COMMD1: variants seen among roughly 807,000 people sequenced by gnomAD.
COMMD1 encodes the protein COMM domain-containing protein 1.
In COMMD1, 10 loss-of-function variants were observed where a neutral mutation model predicts 17.2. The ratio of observed to expected loss-of-function variants is 0.58; its 90% CI spans 0.36 to 0.99. The LOEUF (loss-of-function observed/expected upper bound fraction) is 0.99. Among genes scored for constraint, COMMD1 ranks in the 50% least tolerant of loss-of-function variants. The pLI is 0.01. For missense variants in COMMD1, 270 were observed against 231.8 expected (o/e 1.17, Z -1.07); for synonymous variants, 97 against 91.6 (o/e 1.06, Z -0.34).
At chr2:62,125,594 G>C (rs1672864714) in intron 2 of COMMD1, among the ~76,000 whole-genome samples, 1 of 151,886 alleles carries the variant, frequency 6.6e-6, no homozygotes, top group Non-Finnish European at 1.5e-5. Flanking sequence ...AATAGTTATT[G>C]TTTAAAAAAA....
chr2:62,020,111 C>A (rs1159786225), intron 2 of COMMD1, among the ~76,000 whole-genome samples: 1 of 152,174 alleles, frequency 6.6e-6, no homozygotes, highest in Non-Finnish European at 1.5e-5. Context: ...TTCTTCAGCT[C>A]CTTGAGTACA....
At chr2:61,943,437 G>A (rs956601004) in intron 1 of COMMD1, among the ~76,000 whole-genome samples, 13 of 152,166 alleles carry the variant, frequency 8.5e-5, no homozygotes, top group African/African-American at 3.1e-4. Flanking sequence ...AAAGTGTGCT[G>A]GTTGTGGGTG....
intron 1 of COMMD1, among the ~76,000 whole-genome samples, chr2:61,942,057 T>C (rs1273423039): frequency 6.6e-6 from 1 of 152,204 alleles, no homozygotes; most frequent in Non-Finnish European, 1.5e-5. Context: ...AATAGTCTCT[T>C]AACTAGGAAA....
chr2:62,033,328 C>T (rs1275099312), intron 2 of COMMD1, among the ~76,000 whole-genome samples: 1 of 152,192 alleles, frequency 6.6e-6, no homozygotes, highest in Non-Finnish European at 1.5e-5. Context: ...ACAGGATATG[C>T]TTTCATTATG....
At chr2:61,981,370 G>A (rs1452442398) in intron 1 of COMMD1, among the ~76,000 whole-genome samples, 1 of 152,132 alleles carries the variant, frequency 6.6e-6, no homozygotes, top group Non-Finnish European at 1.5e-5. Flanking sequence ...TCTGCATGTT[G>A]ATATCCAGTT....
At chr2:61,903,259 C>T (rs1203614872), upstream of COMMD1, among the ~76,000 whole-genome samples, 1 of 151,984 alleles carries the variant, frequency 6.6e-6, no homozygotes, top group East Asian at 1.9e-4. Flanking sequence ...GCCTGGCCAA[C>T]ATGGTGAAAC....
rs544136838 is a variant in COMMD1, at chr2:62,050,570, A to G, written c.462+49588A>G. Among the ~76,000 whole-genome samples, 100 of 152,282 alleles carry G rather than the reference A, an allele frequency of 6.6e-4. 2 individuals are homozygous for G. The South Asian group carries it at 0.021, about 31-fold the overall frequency. ...GTCTTCTCTGCTACTATGTTTTGTT[A>G]TTCAGCCTTGAATAATTCTTTTCAG... On this transcript the variant is annotated intron_variant, in intron 2 of 2. Coordinates refer to ENST00000311832, the MANE Select transcript of COMMD1 (RefSeq NM_152516.4).
intron 1 of COMMD1, among the ~76,000 whole-genome samples, chr2:61,892,563 A>G (rs905221587): frequency 2.6e-5 from 4 of 151,882 alleles, no homozygotes; most frequent in African/African-American, 4.8e-5. Flanking sequence ...GTGTTGTGGC[A>G]TGCACCTGTA....
intron 2 of COMMD1, among the ~76,000 whole-genome samples, chr2:62,038,095 C>A (rs938119479): frequency 1.3e-5 from 2 of 152,086 alleles, no homozygotes; most frequent in Non-Finnish European, 2.9e-5. Flanking sequence ...TCAAGACCAG[C>A]CTGGCCAACA....
chr2:61,932,596 T>A (rs1335594131), intron 1 of COMMD1, among the ~76,000 whole-genome samples: 1 of 152,120 alleles, frequency 6.6e-6, no homozygotes, highest in African/African-American at 2.4e-5. Flanking sequence ...ATCCCCAGAT[T>A]TATGTGTTGA....
intron 2 of COMMD1, among the ~76,000 whole-genome samples, chr2:62,079,094 C>G (rs1671442318): frequency 6.6e-6 from 1 of 152,130 alleles, no homozygotes. Context: ...TAAAAGTGCC[C>G]TTGTTACAGG....
Position 62,122,527 on chromosome 2 carries a change from C to T in COMMD1, c.463-13304C>T, listed in dbSNP as rs373407786. On this transcript the variant is annotated intron_variant, in intron 2 of 2. Coordinates refer to ENST00000311832, the MANE Select transcript of COMMD1 (RefSeq NM_152516.4). The stretch of plus-strand genomic sequence containing the variant: ...TTATCCACTGGCCTATAACAGGGAA[C>T]AGAGTGTATGTCAGACTGCTTTGAA... Among the ~76,000 whole-genome samples the T allele has an allele frequency of 8.0e-5, 12 of 149,176 alleles. No homozygotes were observed. In the South Asian group the frequency reaches 2.5e-3, roughly 31 times the overall value.
chr2:61,941,941 G>T (rs909748898), intron 1 of COMMD1, among the ~76,000 whole-genome samples: 2 of 151,986 alleles, frequency 1.3e-5, no homozygotes, highest in Non-Finnish European at 2.9e-5. Context: ...TATCTTCTTG[G>T]TAACCACAGG....
At chr2:62,090,413 A>C (rs1432487923) in intron 2 of COMMD1, among the ~76,000 whole-genome samples, 1 of 152,228 alleles carries the variant, frequency 6.6e-6, no homozygotes, top group Non-Finnish European at 1.5e-5. Context: ...TAGGACTGAC[A>C]CTAAATCAGA....
upstream of COMMD1, chr2:61,888,578 A>T: frequency 6.4e-7 from 1 of 1,551,770 alleles, no homozygotes. Context: ...GCCGCAGTGT[A>T]ATAACGGTAA....
intron 1 of COMMD1, among the ~76,000 whole-genome samples, chr2:61,935,222 A>C (rs549205503): frequency 2.0e-5 from 3 of 152,310 alleles, no homozygotes; most frequent in African/African-American, 7.2e-5. Context: ...TACCGACAAG[A>C]TATGCAAGAC....
chr2:62,100,691 G>A (rs1490906357), intron 2 of COMMD1, among the ~76,000 whole-genome samples: 5 of 152,162 alleles, frequency 3.3e-5, no homozygotes, highest in Admixed American at 3.3e-4. Flanking sequence ...GTAAAAGATT[G>A]TGGAGACCAA....
intron 2 of COMMD1, among the ~76,000 whole-genome samples, chr2:62,033,131 T>G (rs1199175322): frequency 6.6e-6 from 1 of 152,222 alleles, no homozygotes; most frequent in Non-Finnish European, 1.5e-5. Flanking sequence ...TAGGTTTAGA[T>G]TTTTGAACGA....
At chr2:61,953,371 CTTT>C (rs58439320) in intron 1 of COMMD1, among the ~76,000 whole-genome samples, 2 of 127,090 alleles carry the variant, frequency 1.6e-5, no homozygotes, top group Admixed American at 8.1e-5. Context: ...TTTTTCTTTT[CTTT>C]TTTTTTTTTT....
Sources: gnomAD v4.1 joint callset for allele counts (sites outside exome capture counted in the v4.1 genomes callset) on GRCh38, gnomAD v4.1.1 for gene constraint, MANE v1.5 for transcripts, NCBI Gene and HGNC (gene_info 2026-07-23, HGNC 2026-07-21) for gene names.